LIN37: variants seen among roughly 807,000 people sequenced by gnomAD.
LIN37 encodes the protein lin-37 DREAM MuvB core complex component.
LIN37 carries 21 observed loss-of-function variants against 38.0 expected under a neutral mutation model. The ratio of observed to expected loss-of-function variants is 0.55; its 90% confidence interval spans 0.39 to 0.80. The LOEUF is 0.80. Among genes scored for constraint, LIN37 ranks in the 30% least tolerant of loss-of-function variants. The pLI is 0.00. For synonymous variants in LIN37, 126 were observed against 122.9 expected, an observed-to-expected ratio of 1.03 and a Z score of -0.17; for missense variants, 273 against 338.5, an observed-to-expected ratio of 0.81 and a Z score of 1.52.
At position 35,752,157 on chromosome 19, in the gene LIN37, G is replaced by A; in HGVS notation, c.35-19G>A. The A allele has an allele frequency of 6.3e-7, 1 of 1,579,716 alleles. No individual in the cohort carries two copies. Among genetic ancestry groups the A allele is most frequent in the South Asian group, 1.2e-5 (1 of 86,332 alleles). On this transcript the variant is annotated intron_variant, in intron 1 of 8. Transcript: ENST00000301159. ...TGGGGCCTGGGAGCTGACTCCTGCT[G>A]GGTCCTCTCTTGCCCCAGAGCTGGA...
chr19:35,749,335 T>C (rs1023135917), intron 1 of LIN37, among the ~76,000 whole-genome samples: 3 of 152,158 alleles, frequency 2.0e-5, no homozygotes, highest in African/African-American at 7.2e-5. Context: ...AAATAGGAAC[T>C]GTGGTCAATG....
chr19:35,748,638 C>CT lies in LIN37; in HGVS notation c.-86dup. On this transcript the variant is annotated 5_prime_UTR_variant, in exon 1 of 9. Coordinates refer to ENST00000301159, the MANE Select transcript of LIN37 (RefSeq NM_019104.3). Reference sequence around the variant, plus strand: ...GTGGCCCACGAAGCTCATCTTTGAACTGTCCCCGCCTTCTCCCGCCTTGAC... The same window carrying CT: ...GTGGCCCACGAAGCTCATCTTTGAACTTGTCCCCGCCTTCTCCCGCCTTGAC... 1 of 1,583,584 alleles carries CT rather than the reference C, an allele frequency of 6.3e-7. No homozygotes were observed. Among genetic ancestry groups the CT allele is most frequent in the Non-Finnish European group, 8.7e-7 (1 of 1,152,690 alleles).
In LIN37 at chr19:35,752,161, C is replaced by T; in HGVS notation, c.35-15C>T. ...GCCTGGGAGCTGACTCCTGCTGGGTCCTCTCTTGCCCCAGAGCTGGAGATG... is the reference window on the plus strand; with the variant it reads ...GCCTGGGAGCTGACTCCTGCTGGGTTCTCTCTTGCCCCAGAGCTGGAGATG... On this transcript the variant is annotated splice_polypyrimidine_tract_variant and intron_variant, in intron 1 of 8. Transcript: ENST00000301159. The T allele has an allele frequency of 1.9e-6, 3 of 1,584,560 alleles. No individual in the cohort carries two copies. Among genetic ancestry groups the T allele is most frequent in the Non-Finnish European group, 2.6e-6 (3 of 1,165,132 alleles).
chr19:35,750,146 T>G (rs1463202925), intron 1 of LIN37, among the ~76,000 whole-genome samples: 9 of 126,434 alleles, frequency 7.1e-5, no homozygotes, highest in South Asian at 5.7e-4. Flanking sequence ...GGACAGGCCA[T>G]GGGGTTGGTG....
intron 6 of LIN37, 113 bp from the exon 7 acceptor site, chr19:35,753,904 T>C: frequency 8.0e-7 from 1 of 1,257,250 alleles, no homozygotes; most frequent in South Asian, 1.4e-5. Flanking sequence ...CTGAGTCCCT[T>C]AGCGAGCCCC....
At position 35,749,823 on chromosome 19, in the gene LIN37, AG is replaced by A. The variant is rs58191407; in HGVS notation, c.34+1067del. Among the ~76,000 whole-genome samples, 237 of 137,098 alleles carry A rather than the reference AG, an allele frequency of 1.7e-3. 3 individuals carry two copies. The highest frequency in any genetic ancestry group is 6.0e-3 in the African/African-American group (220 of 36,802). 89.9% of individuals were successfully genotyped at this position (137,098 alleles called of 152,430 possible). A position where few individuals can be genotyped will look rare whatever the true frequency, so the allele number is the denominator to read the frequency against. On this transcript the variant is annotated intron_variant, in intron 1 of 8. Transcript: ENST00000301159. ...CTGTCTCAAAAAAAAAAAAAAAGAA[AG>A]GAAAAGAAAAGAAAGAAAGAAAAGA...
chr19:35,752,767 A>G (rs749166284), intron 3 of LIN37, 37 bp from the exon 4 acceptor site: 5 of 1,604,684 alleles, frequency 3.1e-6, no homozygotes, highest in Non-Finnish European at 3.4e-6. Flanking sequence ...GGTTTTGCAC[A>G]GGCGTTTGTC....
chr19:35,753,788 G>A (rs1302493155), intron 6 of LIN37: 18 of 592,470 alleles, frequency 3.0e-5, no homozygotes, highest in Non-Finnish European at 4.5e-5. Flanking sequence ...GCTGACAGGT[G>A]TAGATGGAGT....
intron 6 of LIN37, chr19:35,753,648 G>A: frequency 2.0e-6 from 1 of 488,884 alleles, no homozygotes; most frequent in South Asian, 2.2e-5. Flanking sequence ...GGGTAGACAA[G>A]GGTCCCCAGG....
At chr19:35,752,770 C>T (rs754817014) in intron 3 of LIN37, 34 bp from the exon 4 acceptor site, 7 of 1,605,152 alleles carry the variant, frequency 4.4e-6, no homozygotes, top group Middle Eastern at 4.2e-4. Flanking sequence ...TTTGCACAGG[C>T]GTTTGTCTGA....
intron 7 of LIN37, 22 bp downstream of exon 7, chr19:35,754,179 A>AG (rs764043951): frequency 6.2e-7 from 1 of 1,613,976 alleles, no homozygotes; most frequent in South Asian, 1.1e-5. Flanking sequence ...AGGCTGGCCC[A>AG]GGGTTATGGG....
chr19:35,749,824 G>GAGAA (rs59413476), intron 1 of LIN37, among the ~76,000 whole-genome samples: 1 of 145,508 alleles, frequency 6.9e-6, no homozygotes, highest in African/African-American at 2.6e-5. Flanking sequence ...AAAAAAGAAA[G>GAGAA]GAAAAGAAAA....
In LIN37 at chr19:35,754,399, G is replaced by A. The variant is rs777106487; in HGVS notation, c.666G>A (p.Lys222=). The A allele has an allele frequency of 2.5e-6, 4 of 1,613,940 alleles. No individual in the cohort carries two copies. The African/African-American group carries it at 5.3e-5, about 22-fold the overall frequency. ...CTCCCCTCTGCCTCCCCAGGTGGAA[G>A]GAGGCCTCTCATCGGAACCAGCTTC... ...QRWKRIRQRW[K]EASHRNQLRY... is the part of the protein sequence containing the mutation. Residue 222 remains lysine, a synonymous_variant, in exon 9 of 9, where the codon AAG becomes AAA. Transcript: ENST00000301159.
chr19:35,753,538 T>C (rs1970710284), intron 6 of LIN37: 3 of 556,958 alleles, frequency 5.4e-6, no homozygotes, highest in Non-Finnish European at 9.7e-6. Context: ...GCCGAGGGGC[T>C]AGACAAGGGT....
At position 35,754,385 on chromosome 19, in the gene LIN37, C is replaced by G. The variant is rs1970725426; in HGVS notation, c.660-8C>G. 6.2e-7 allele frequency: 1 copy of G among 1,613,982 alleles called. No individual in the cohort carries two copies. Among genetic ancestry groups the G allele is most frequent in the Admixed American group, 1.7e-5 (1 of 60,020 alleles). On this transcript the variant is annotated splice_region_variant and splice_polypyrimidine_tract_variant and intron_variant, in intron 8 of 8. Transcript: ENST00000301159. ...TGCAACTGCTGAGTCTCCCCTCTGC[C>G]TCCCCAGGTGGAAGGAGGCCTCTCA...
intron 1 of LIN37, 61 bp downstream of exon 1, chr19:35,748,819 G>T: frequency 1.2e-6 from 2 of 1,612,788 alleles, no homozygotes; most frequent in Non-Finnish European, 1.7e-6. Flanking sequence ...GTGGAGTCCC[G>T]GTGGAAGGGA....
chr19:35,753,525 A>G (rs2146528002), intron 6 of LIN37: 1 of 572,196 alleles, frequency 1.7e-6, no homozygotes, highest in Non-Finnish European at 3.2e-6. Flanking sequence ...GGGGTTCCCA[A>G]GAGCCGAGGG....
intron 1 of LIN37, among the ~76,000 whole-genome samples, chr19:35,751,484 C>T (rs569740943): frequency 1.6e-4 from 24 of 152,268 alleles, no homozygotes; most frequent in African/African-American, 5.3e-4. Flanking sequence ...CCTTTGAGCA[C>T]GTGGCCTAAC....
At chr19:35,754,357 C>T (rs1479521960) in intron 8 of LIN37, 36 bp from the exon 9 acceptor site, 2 of 1,613,888 alleles carry the variant, frequency 1.2e-6, no homozygotes, top group South Asian at 1.1e-5. Flanking sequence ...TCGTAGGGCC[C>T]TTTGCAACTG....
Sources: allele counts gnomAD v4.1 joint callset (sites outside exome capture counted in the v4.1 genomes callset), GRCh38; gene constraint gnomAD v4.1.1; transcripts MANE v1.5; gene names NCBI Gene and HGNC (gene_info 2026-07-23, HGNC 2026-07-21).